DDX42: variants seen among roughly 807,000 people sequenced by gnomAD.
The protein encoded by DDX42 is ATP-dependent RNA helicase DDX42.
DDX42 carries 22 observed loss-of-function variants against 101.5 expected under a neutral mutation model. That is an observed-to-expected ratio of 0.22 (90% CI 0.15 to 0.31). The LOEUF is 0.31. DDX42 is among the 10% of genes least tolerant of loss of function. The pLI is 1.00. For synonymous variants in DDX42, 402 were observed against 401.2 expected, an observed-to-expected ratio of 1.00 and a Z score of -0.02; for missense variants, 849 against 1,199.9, an observed-to-expected ratio of 0.71 and a Z score of 4.32.
chr17:63,807,985 C>T, intron 9 of DDX42, 85 bp downstream of exon 9: 1 of 1,245,886 alleles, frequency 8.0e-7, no homozygotes. Context: ...GACCAGGAAA[C>T]TTTTTTTTTT....
At chr17:63,809,718 A>G in intron 11 of DDX42, 59 bp downstream of exon 11, 10 of 1,391,418 alleles carry the variant, frequency 7.2e-6, no homozygotes, top group Non-Finnish European at 1.0e-5. Flanking sequence ...TTTTTTTTCC[A>G]TGTCTTTCTA....
chr17:63,816,857 TA>T lies in DDX42; in HGVS notation c.2014-10del, dbSNP rs751980814. 3 of 1,608,794 alleles carry T rather than the reference TA, an allele frequency of 1.9e-6. No homozygotes were observed. Among genetic ancestry groups the T allele is most frequent in the African/African-American group, 1.3e-5 (1 of 74,674 alleles). On this transcript the variant is annotated splice_polypyrimidine_tract_variant and intron_variant, in intron 16 of 17. Coordinates refer to ENST00000389924, the MANE Select transcript of DDX42 (RefSeq NM_203499.3). ...ATTTTTTCATTCTCATAGATGTGTT[TA>T]TTTTTTTAGGATCGAGGAAATAACA...
At chr17:63,810,323 T>A in intron 11 of DDX42, 190 bp from the exon 12 acceptor site, 1 of 372,810 alleles carries the variant, frequency 2.7e-6, no homozygotes, top group Non-Finnish European at 4.8e-6. Flanking sequence ...ACTCCTGACC[T>A]CAAGTGATCC....
intron 11 of DDX42, 61 bp from the exon 12 acceptor site, chr17:63,810,452 T>C: frequency 1.3e-6 from 2 of 1,571,492 alleles, no homozygotes; most frequent in Non-Finnish European, 1.7e-6. Context: ...AATATGGCTT[T>C]TTCCAGGCTT....
intron 3 of DDX42, among the ~76,000 whole-genome samples, chr17:63,793,946 G>A (rs1456639857): frequency 1.3e-5 from 2 of 151,192 alleles, no homozygotes; most frequent in Non-Finnish European, 2.9e-5. Flanking sequence ...AATCATATTG[G>A]TACTTAATGT....
intron 16 of DDX42, 127 bp downstream of exon 16, chr17:63,815,800 T>G: frequency 1.9e-6 from 1 of 538,324 alleles, no homozygotes; most frequent in Non-Finnish European, 3.2e-6. Flanking sequence ...GGAATTTGTA[T>G]TTAATCTGAT....
chr17:63,781,109 C>T (rs1044756578), intron 1 of DDX42, among the ~76,000 whole-genome samples: 2 of 152,214 alleles, frequency 1.3e-5, no homozygotes, highest in Non-Finnish European at 2.9e-5. Flanking sequence ...TAGTCTTCAT[C>T]TTCTACTACT....
intron 2 of DDX42, among the ~76,000 whole-genome samples, chr17:63,791,547 G>A (rs1040591525): frequency 6.6e-6 from 1 of 152,130 alleles, no homozygotes; most frequent in Non-Finnish European, 1.5e-5. Flanking sequence ...TTGACATCAA[G>A]TGATGCACCT....
chr17:63,790,970 A>G (rs1459252434), intron 2 of DDX42, among the ~76,000 whole-genome samples: 5 of 152,206 alleles, frequency 3.3e-5, no homozygotes, highest in South Asian at 4.1e-4. Flanking sequence ...TTTAGCCTAT[A>G]TTATTGTTAC....
In DDX42 at chr17:63,797,144, G is replaced by A. The variant is rs183134862; in HGVS notation, c.373-894G>A. Among the ~76,000 whole-genome samples, 149 of 152,092 alleles carry A rather than the reference G, an allele frequency of 9.8e-4. 2 individuals carry two copies. Among genetic ancestry groups the A allele is most frequent in the African/African-American group, 3.1e-3 (129 of 41,510 alleles). Reference sequence around the variant, plus strand: ...GGCGCGGTGGATCACCTGAGGTCACGAGCTCGAGACCAGCCTGACCAACAT... The same window carrying A: ...GGCGCGGTGGATCACCTGAGGTCACAAGCTCGAGACCAGCCTGACCAACAT... On this transcript the variant is annotated intron_variant, in intron 3 of 17. Coordinates refer to ENST00000389924, the MANE Select transcript of DDX42 (RefSeq NM_203499.3).
chr17:63,783,612 G>A (rs544274853), intron 1 of DDX42, among the ~76,000 whole-genome samples: 106 of 152,240 alleles, frequency 7.0e-4, no homozygotes, highest in African/African-American at 2.4e-3. Context: ...ATGGGATTCC[G>A]AAAGACAGCA....
At chr17:63,798,470 G>A (rs965095279) in intron 4 of DDX42, among the ~76,000 whole-genome samples, 1 of 152,206 alleles carries the variant, frequency 6.6e-6, no homozygotes, top group Non-Finnish European at 1.5e-5. Context: ...ATTATGAGAA[G>A]TAATGGCAAC....
In DDX42 at chr17:63,785,754, T is replaced by C. The variant is rs114474677; in HGVS notation, c.-16-1280T>C. Among the ~76,000 whole-genome samples the C allele has an allele frequency of 1.3e-3, 198 of 152,332 alleles. 1 individual carries two copies. The highest frequency in any genetic ancestry group is 4.7e-3 in the African/African-American group (194 of 41,566). ...CTTCAGGCAACATGTCAGTGAATCATAGTTTCTTCCTGGATAGTGTTTCTA... is the reference window on the plus strand; with the variant it reads ...CTTCAGGCAACATGTCAGTGAATCACAGTTTCTTCCTGGATAGTGTTTCTA... On this transcript the variant is annotated intron_variant, in intron 1 of 17. Transcript: ENST00000389924.
chr17:63,812,399 T>G (rs114165514), intron 14 of DDX42, among the ~76,000 whole-genome samples, 191 bp downstream of exon 14: 2,115 of 152,262 alleles, frequency 0.014, 46 homozygotes, highest in African/African-American at 0.049. Context: ...GATACCACTT[T>G]TCACTTAGTA....
At chr17:63,779,612 C>CA (rs2039461764) in intron 1 of DDX42, among the ~76,000 whole-genome samples, 2 of 152,270 alleles carry the variant, frequency 1.3e-5, no homozygotes, top group African/African-American at 4.8e-5. Flanking sequence ...AGCCACAGGA[C>CA]ACTTTTCATC....
chr17:63,774,776 G>A (rs1458699785), intron 1 of DDX42: 1 of 152,226 alleles, frequency 6.6e-6, no homozygotes, highest in Non-Finnish European at 1.5e-5. Context: ...AGAGGCAAAA[G>A]CTGCCAAATG....
At chr17:63,807,950 A>C (rs745890288) in intron 9 of DDX42, 50 bp downstream of exon 9, 421 of 1,539,732 alleles carry the variant, frequency 2.7e-4, no homozygotes, top group East Asian at 3.9e-4. Context: ...CTAGCAAGGG[A>C]CCAGCCAGTC....
At chr17:63,775,351 A>G (rs190587293) in intron 1 of DDX42, among the ~76,000 whole-genome samples, 1 of 152,136 alleles carries the variant, frequency 6.6e-6, no homozygotes, top group Admixed American at 6.5e-5. Flanking sequence ...GGTGATAGGG[A>G]TAGGTGTTAG....
At chr17:63,787,905 GTTTT>G (rs780070919) in intron 2 of DDX42, among the ~76,000 whole-genome samples, 2 of 107,884 alleles carry the variant, frequency 1.9e-5, no homozygotes, top group Non-Finnish European at 1.8e-5. Flanking sequence ...AATTCATGTG[GTTTT>G]TTTTTTTTTT....
Sources: allele counts gnomAD v4.1 joint callset (sites outside exome capture counted in the v4.1 genomes callset), GRCh38; gene constraint gnomAD v4.1.1; transcripts MANE v1.5; gene names NCBI Gene and HGNC (gene_info 2026-07-23, HGNC 2026-07-21).